The following SPCS2 variants were observed in gnomAD, a reference collection of about 807,000 sequenced individuals.
The protein encoded by SPCS2 is signal peptidase complex subunit 2, also known as SPase 25 kDa subunit.
A neutral mutation model predicts 22.3 loss-of-function variants in SPCS2; 3 were observed. That is an observed-to-expected ratio of 0.13 (90% CI 0.06 to 0.35). The LOEUF is 0.35. Among genes scored for constraint, SPCS2 ranks in the 10% least tolerant of loss-of-function variants. The probability of loss-of-function intolerance (pLI) is 1.00; values close to 1 mark genes in which losing one functional copy is unlikely to be tolerated. For missense variants in SPCS2, 169 were observed against 280.9 expected (o/e 0.60, Z 2.85); for synonymous variants, 67 against 97.2 (o/e 0.69, Z 1.83).
At chr11:74,956,630 G>A (rs1348129830) in intron 1 of SPCS2, among the ~76,000 whole-genome samples, 3 of 152,046 alleles carry the variant, frequency 2.0e-5, no homozygotes, top group African/African-American at 7.3e-5. Flanking sequence ...GCTTGGCTCC[G>A]TTACATTTTG....
Position 74,977,159 on chromosome 11 carries a change from T to A in SPCS2, c.*116T>A. ...AGTAAGAAATGTTAAAAAGTCCCTG[T>A]TTTGTCCTGAAATTTTAGTCTATTC... is the stretch of plus-strand genomic sequence containing the variant. On this transcript the variant is annotated 3_prime_UTR_variant, in exon 5 of 5. Transcript: ENST00000263672. 1 of 1,327,044 alleles carries A rather than the reference T, an allele frequency of 7.5e-7. No individual in the cohort carries two copies. The highest frequency in any genetic ancestry group is 1.0e-6 in the Non-Finnish European group (1 of 998,926). The allele number at this position is 1,327,044 out of a possible 1,614,324, so 82.2% of individuals were successfully genotyped here.
chr11:74,967,858 T>C (rs1170917522), intron 3 of SPCS2, among the ~76,000 whole-genome samples: 1 of 152,086 alleles, frequency 6.6e-6, no homozygotes, highest in Non-Finnish European at 1.5e-5. Flanking sequence ...TGCTTGAGCC[T>C]GGGATGTTGA....
At chr11:74,974,439 A>G (rs148818818) in intron 4 of SPCS2, among the ~76,000 whole-genome samples, 10 of 152,272 alleles carry the variant, frequency 6.6e-5, no homozygotes, top group African/African-American at 1.7e-4. Context: ...TCCCACTTCA[A>G]TAAATGGCAG....
At chr11:74,963,640 G>C (rs1489156357) in intron 1 of SPCS2, 4 of 433,082 alleles carry the variant, frequency 9.2e-6, no homozygotes, top group African/African-American at 2.0e-5. Context: ...GAGCTCCTGG[G>C]CTCAAGCTGT....
intron 1 of SPCS2, among the ~76,000 whole-genome samples, chr11:74,950,387 A>G (rs78052975): frequency 2.0e-5 from 3 of 152,230 alleles, no homozygotes; most frequent in East Asian, 1.9e-4. Flanking sequence ...TGTCTTTAAT[A>G]TAGTAAGCAG....
chr11:74,953,583 A>G (rs759219726), intron 1 of SPCS2, among the ~76,000 whole-genome samples: 9 of 152,210 alleles, frequency 5.9e-5, no homozygotes, highest in African/African-American at 1.9e-4. Context: ...TGCCATAAAG[A>G]AGTGTAATAA....
chr11:74,974,024 T>C (rs599722), intron 4 of SPCS2, among the ~76,000 whole-genome samples: 57,667 of 151,916 alleles, frequency 0.38, 12,344 homozygotes, highest in Non-Finnish European at 0.49. Context: ...CCTTTTCTTC[T>C]TGTGCTATCA....
At chr11:74,952,527 G>C (rs982077806) in intron 1 of SPCS2, among the ~76,000 whole-genome samples, 1 of 151,954 alleles carries the variant, frequency 6.6e-6, no homozygotes, top group Non-Finnish European at 1.5e-5. Flanking sequence ...GTGTTGCCCA[G>C]ACTAATCGTG....
intron 4 of SPCS2, among the ~76,000 whole-genome samples, chr11:74,976,283 G>A (rs1277967263): frequency 6.6e-6 from 1 of 152,234 alleles, no homozygotes; most frequent in Non-Finnish European, 1.5e-5. Context: ...AAACCTCCCA[G>A]TCTAGTGAAG....
intron 3 of SPCS2, among the ~76,000 whole-genome samples, chr11:74,968,459 T>C (rs1403235361): frequency 6.6e-6 from 1 of 151,954 alleles, no homozygotes; most frequent in Non-Finnish European, 1.5e-5. Context: ...GTAGCTGGGA[T>C]TACGGGCCTG....
At chr11:74,958,461 T>G (rs1393539113) in intron 1 of SPCS2, among the ~76,000 whole-genome samples, 1 of 152,174 alleles carries the variant, frequency 6.6e-6, no homozygotes, top group Non-Finnish European at 1.5e-5. Flanking sequence ...ATAGACATCA[T>G]TTTCTTCCCA....
intron 4 of SPCS2, among the ~76,000 whole-genome samples, chr11:74,972,120 G>A (rs529952199): frequency 4.0e-5 from 6 of 151,876 alleles, no homozygotes; most frequent in Admixed American, 2.0e-4. Context: ...AGGCTGGAGC[G>A]CAATGACGCG....
At chr11:74,963,455 TAAAA>T (rs954337679) in intron 1 of SPCS2, 110 of 293,750 alleles carry the variant, frequency 3.7e-4, no homozygotes, top group African/African-American at 2.3e-3. Flanking sequence ...GAATCACAGT[TAAAA>T]AAAAAACAAG....
chr11:74,963,615 G>A, intron 1 of SPCS2: 1 of 439,702 alleles, frequency 2.3e-6, no homozygotes, highest in Non-Finnish European at 4.5e-6. Context: ...TCACTATATT[G>A]CCCAGGCTGG....
At chr11:74,976,811 T>A in intron 4 of SPCS2, 46 bp from the exon 5 acceptor site, 1 of 1,611,060 alleles carries the variant, frequency 6.2e-7, no homozygotes, top group South Asian at 1.1e-5. Context: ...ACTGGTTGAA[T>A]CTCTGTGTTT....
Position 74,977,850 on chromosome 11 carries a change from C to T in SPCS2, c.*807C>T, listed in dbSNP as rs1948624365. The T allele has an allele frequency of 6.6e-6, 1 of 152,284 alleles. No individual in the cohort carries two copies. The highest frequency in any genetic ancestry group is 2.4e-5 in the African/African-American group (1 of 41,412). The allele number at this position is 152,284 out of a possible 1,614,324, so 9.4% of individuals were successfully genotyped here. Reference sequence around the variant, plus strand: ...TTACTTGTCAAAGGCCCCTGAGAACCTGTAGCTAAGGAACTCTTAGCTTTC... The same window carrying T: ...TTACTTGTCAAAGGCCCCTGAGAACTTGTAGCTAAGGAACTCTTAGCTTTC... On this transcript the variant is annotated 3_prime_UTR_variant, in exon 5 of 5. Transcript: ENST00000263672.
In SPCS2 at chr11:74,977,851, T is replaced by C. The variant is rs775936096; in HGVS notation, c.*808T>C. The C allele has an allele frequency of 5.9e-5, 9 of 152,404 alleles. No individual in the cohort carries two copies. Among genetic ancestry groups the C allele is most frequent in the Non-Finnish European group, 1.0e-4 (7 of 68,036 alleles). 9.4% of individuals were successfully genotyped at this position (152,404 alleles called of 1,614,324 possible). A position where few individuals can be genotyped will look rare whatever the true frequency, so the allele number is the denominator to read the frequency against. On this transcript the variant is annotated 3_prime_UTR_variant, in exon 5 of 5. Coordinates refer to ENST00000263672, the MANE Select transcript of SPCS2 (RefSeq NM_014752.3). ...TACTTGTCAAAGGCCCCTGAGAACCTGTAGCTAAGGAACTCTTAGCTTTCC... is the reference window on the plus strand; with the variant it reads ...TACTTGTCAAAGGCCCCTGAGAACCCGTAGCTAAGGAACTCTTAGCTTTCC...
At chr11:74,969,074 TATA>T (rs1565487371) in intron 3 of SPCS2, among the ~76,000 whole-genome samples, 1 of 152,206 alleles carries the variant, frequency 6.6e-6, no homozygotes, top group East Asian at 1.9e-4. Context: ...TCAAAAACAA[TATA>T]ATAATAAGTC....
At chr11:74,962,299 G>A (rs1305512914) in intron 1 of SPCS2, among the ~76,000 whole-genome samples, 1 of 152,194 alleles carries the variant, frequency 6.6e-6, no homozygotes, top group Non-Finnish European at 1.5e-5. Flanking sequence ...CTGAGGGAAT[G>A]TATTTATATC....
Sources: gnomAD v4.1 joint callset for allele counts (sites outside exome capture counted in the v4.1 genomes callset) on GRCh38, gnomAD v4.1.1 for gene constraint, MANE v1.5 for transcripts, NCBI Gene and HGNC (gene_info 2026-07-23, HGNC 2026-07-21) for gene names.